CARM1: variants seen among roughly 807,000 people sequenced by gnomAD.
The protein encoded by CARM1 is histone-arginine methyltransferase CARM1.
CARM1 carries 14 observed loss-of-function variants against 72.7 expected under a neutral mutation model. The observed-to-expected ratio is 0.19, with a 90% CI of 0.13 to 0.30. CARM1 has a LOEUF of 0.30. Ranked by LOEUF, CARM1 falls within the 10% of genes least tolerant of loss-of-function variation. CARM1 has a pLI of 1.00. For synonymous variants in CARM1, 333 were observed against 345.5 expected, an observed-to-expected ratio of 0.96 and a Z score of 0.40; for missense variants, 432 against 833.7, an observed-to-expected ratio of 0.52 and a Z score of 5.93.
intron 1 of CARM1, among the ~76,000 whole-genome samples, chr19:10,891,611 T>A (rs1469455503): frequency 6.6e-6 from 1 of 152,170 alleles, no homozygotes; most frequent in Non-Finnish European, 1.5e-5. Context: ...TCCAAAAGGA[T>A]GTTGGGGGGG....
Position 10,916,929 on chromosome 19 carries a change from G to A in CARM1, c.1020+152G>A. On this transcript the variant is annotated intron_variant, in intron 8 of 15. Transcript: ENST00000327064. This position sits in a 1 kb window ranked among gnomAD's most constrained non-coding sequence, Gnocchi z 4.4. ...ATTTGGGCCAAAAGTGTCAATGCAT[G>A]TAGACACTTAGCACACAGCACACAT... 3.3e-6 allele frequency: 2 copies of A among 604,722 alleles called. No individual in the cohort carries two copies. Among genetic ancestry groups the A allele is most frequent in the Non-Finnish European group, 5.9e-6 (2 of 337,420 alleles). 37.5% of individuals were successfully genotyped at this position (604,722 alleles called of 1,614,324 possible).
chr19:10,916,546 A>C lies in CARM1; in HGVS notation c.938+49A>C. The C allele has an allele frequency of 6.7e-7, 1 of 1,487,038 alleles. No individual in the cohort carries two copies. The highest frequency in any genetic ancestry group is 9.4e-7 in the Non-Finnish European group (1 of 1,066,376). 92.1% of individuals were successfully genotyped at this position (1,487,038 alleles called of 1,614,324 possible). Reference sequence around the variant, plus strand: ...CCTGGGCCCCACAGCCTGCCTTCTCAGGGACAGCCCCAGCTCCCCAGAGAG... The same window carrying C: ...CCTGGGCCCCACAGCCTGCCTTCTCCGGGACAGCCCCAGCTCCCCAGAGAG... On this transcript the variant is annotated intron_variant, in intron 7 of 15. Transcript: ENST00000327064. This position sits in a 1 kb window ranked among gnomAD's most constrained non-coding sequence, Gnocchi z 4.4.
rs2074174212 is a variant in CARM1 at position 10,913,882 on chromosome 19, G to A, written c.675G>A (p.Leu225=). ...ASTMAQHAEV[L]VKSNNLTDRI... ...ATGGCCCTGCCCGCCTGCAGGTCTTGGTGAAGAGTAACAACCTGACGGACC... is the reference window on the plus strand; with the variant it reads ...ATGGCCCTGCCCGCCTGCAGGTCTTAGTGAAGAGTAACAACCTGACGGACC... The change falls in exon 6 of 16, where the codon TTG becomes TTA. Residue 225 remains leucine (L), a synonymous_variant. Transcript: ENST00000327064. 1 of 1,612,078 alleles carries A rather than the reference G, an allele frequency of 6.2e-7. No individual in the cohort carries two copies. The highest frequency in any genetic ancestry group is 8.5e-7 in the Non-Finnish European group (1 of 1,179,244).
chr19:10,900,712 C>G (rs1484598756), intron 1 of CARM1, among the ~76,000 whole-genome samples: 2 of 152,056 alleles, frequency 1.3e-5, no homozygotes, highest in Non-Finnish European at 2.9e-5. Flanking sequence ...TGAGATGAGT[C>G]TGGCTCTGTC....
At chr19:10,875,845 A>G (rs901794789) in intron 1 of CARM1, among the ~76,000 whole-genome samples, 2 of 149,926 alleles carry the variant, frequency 1.3e-5, no homozygotes, top group Non-Finnish European at 3.0e-5. Context: ...GGTCACCTTC[A>G]CAGATTCCAG....
At chr19:10,902,412 G>T (rs954595778) in intron 1 of CARM1, among the ~76,000 whole-genome samples, 3 of 149,152 alleles carry the variant, frequency 2.0e-5, no homozygotes, top group Non-Finnish European at 4.4e-5. Flanking sequence ...TCCTGCCTCA[G>T]CCTCCTGAGT....
At chr19:10,900,185 G>A (rs1013333095) in intron 1 of CARM1, among the ~76,000 whole-genome samples, 2 of 152,184 alleles carry the variant, frequency 1.3e-5, no homozygotes, top group African/African-American at 4.8e-5. Context: ...GGTGGCATGT[G>A]CGTGAGGTTC....
chr19:10,909,009 C>T (rs1024882300), intron 3 of CARM1, 94 bp from the exon 4 acceptor site: 20 of 903,226 alleles, frequency 2.2e-5, no homozygotes, highest in African/African-American at 1.5e-4. Context: ...GGTTTGTGCC[C>T]TAGATGGCCC....
At position 10,916,260 on chromosome 19, in the gene CARM1, C is replaced by T. The variant is rs544520852; in HGVS notation, c.848-147C>T. On this transcript the variant is annotated intron_variant, in intron 6 of 15. Transcript: ENST00000327064. This position sits in a 1 kb window ranked among gnomAD's most constrained non-coding sequence, Gnocchi z 4.4. ...TGAAACACTGATCAGAATAGGCGCT[C>T]GGTGCCACTGTCACAGGAGTGCAGG... 2.0e-5 allele frequency: 12 copies of T among 611,488 alleles called. No individual in the cohort carries two copies. In the Middle Eastern group the frequency reaches 9.6e-4, roughly 49 times the overall value. 37.9% of individuals were successfully genotyped at this position (611,488 alleles called of 1,614,324 possible).
At position 10,908,121 on chromosome 19, in the gene CARM1, G is replaced by A. The variant is rs2074118237; in HGVS notation, c.429G>A (p.Glu143=). 6.2e-7 allele frequency: 1 copy of A among 1,613,774 alleles called. No homozygotes were observed. The highest frequency in any genetic ancestry group is 2.2e-5 in the East Asian group (1 of 44,878). ...ERSVFSERTE[E]SSAVQYFQFY... ...CTGTGTTCAGCGAGCGGACGGAGGA[G>A]TCTTCTGCCGTGCAGTACTTCCAGG... The change falls in exon 3 of 16, where the codon GAG becomes GAA. Residue 143 remains glutamate, a synonymous_variant. Transcript: ENST00000327064.
At chr19:10,911,651 T>C (rs1249223969) in intron 4 of CARM1, among the ~76,000 whole-genome samples, 2 of 152,168 alleles carry the variant, frequency 1.3e-5, no homozygotes. Context: ...ATCCCACAAA[T>C]CCAGAACAGG....
At chr19:10,909,854 A>G (rs2074134843) in intron 4 of CARM1, among the ~76,000 whole-genome samples, 1 of 152,010 alleles carries the variant, frequency 6.6e-6, no homozygotes, top group Admixed American at 6.5e-5. Flanking sequence ...GTTCCCTCCA[A>G]GATAGCCGCT....
chr19:10,900,430 T>C (rs2074055353), intron 1 of CARM1, among the ~76,000 whole-genome samples: 2 of 152,232 alleles, frequency 1.3e-5, no homozygotes, highest in Non-Finnish European at 2.9e-5. Context: ...GACTATTTCA[T>C]ATAAATAGAA....
chr19:10,920,797 C>T lies in CARM1; in HGVS notation c.1425-37C>T, dbSNP rs1334437950. On this transcript the variant is annotated intron_variant, in intron 12 of 15. Coordinates refer to ENST00000327064, the MANE Select transcript of CARM1 (RefSeq NM_199141.2). This position sits in a 1 kb window ranked among gnomAD's most constrained non-coding sequence, Gnocchi z 5.3. ...CAGGGGGGCGCCCCGGCCCTGCAAC[C>T]CCCTTGCCCCTGCCCATGGCTCTGT... 5.6e-6 allele frequency: 9 copies of T among 1,613,454 alleles called. No individual in the cohort carries two copies. Among genetic ancestry groups the T allele is most frequent in the African/African-American group, 1.3e-5 (1 of 74,916 alleles).
At chr19:10,879,434 A>G (rs772203067) in intron 1 of CARM1, among the ~76,000 whole-genome samples, 30 of 152,160 alleles carry the variant, frequency 2.0e-4, no homozygotes, top group Non-Finnish European at 3.4e-4. Flanking sequence ...ACAGGGAGTC[A>G]CCTTGGCCAC....
In CARM1 at chr19:10,909,275, T is replaced by C. The variant is rs2074128009; in HGVS notation, c.558+68T>C. On this transcript the variant is annotated intron_variant, in intron 4 of 15. Coordinates refer to ENST00000327064, the MANE Select transcript of CARM1 (RefSeq NM_199141.2). The stretch of plus-strand genomic sequence containing the variant: ...GGTTTTTTTTTTCTTTGCTCATTGA[T>C]TTTATCTTTAATTTTCTCAGATTAG... The C allele has an allele frequency of 4.1e-6, 4 of 976,380 alleles. No homozygotes were observed. The South Asian group carries it at 5.6e-5, about 14-fold the overall frequency. The allele number at this position is 976,380 out of a possible 1,614,324, so 60.5% of individuals were successfully genotyped here. A position where few individuals can be genotyped will look rare whatever the true frequency, so the allele number is the denominator to read the frequency against.
chr19:10,919,370 C>A, intron 8 of CARM1: 2 of 531,848 alleles, frequency 3.8e-6, no homozygotes, highest in East Asian at 3.1e-5. Flanking sequence ...TCCTGTAGTG[C>A]CAAATCTTTT....
intron 1 of CARM1, among the ~76,000 whole-genome samples, chr19:10,874,828 C>G (rs2073850821): frequency 1.3e-5 from 2 of 152,134 alleles, no homozygotes; most frequent in South Asian, 4.1e-4. Context: ...TTGAGACCAG[C>G]TTGGCCAACA....
rs528217808 is a variant in CARM1 at position 10,904,427 on chromosome 19, A to G, written c.221-524A>G. 7.9e-5 allele frequency among the ~76,000 whole-genome samples: 12 copies of G among 152,310 alleles called. No individual in the cohort carries two copies. The South Asian group carries it at 2.5e-3, about 32-fold the overall frequency. Reference sequence around the variant, plus strand: ...GATGGGTACAGGGAGACAGTGTCCTAATTCACTAGACCACTGCCCCGCCAT... The same window carrying G: ...GATGGGTACAGGGAGACAGTGTCCTGATTCACTAGACCACTGCCCCGCCAT... On this transcript the variant is annotated intron_variant, in intron 1 of 15. Transcript: ENST00000327064.
Sources: gnomAD v4.1 joint callset for allele counts (sites outside exome capture counted in the v4.1 genomes callset) on GRCh38, gnomAD v4.1.1 for gene constraint, Gnocchi (gnomAD v3.1) non-coding constraint, MANE v1.5 for transcripts, NCBI Gene and HGNC (gene_info 2026-07-23, HGNC 2026-07-21) for gene names.